SH3PXD2A: variants seen among roughly 807,000 people sequenced by gnomAD.
The protein encoded by SH3PXD2A is SH3 and PX domains 2A.
Under a neutral mutation model 115.2 loss-of-function variants are expected in SH3PXD2A, and 32 were observed. That is an observed-to-expected ratio of 0.28 (90% CI 0.21 to 0.37). The LOEUF is 0.37. Among genes scored for constraint, SH3PXD2A ranks in the 10% least tolerant of loss-of-function variants. The pLI is 1.00. For synonymous variants in SH3PXD2A, 610 were observed against 629.1 expected (o/e 0.97, Z 0.45); for missense variants, 1,328 against 1,498.7 (o/e 0.89, Z 1.88).
chr10:103,682,938 G>C (rs185712646), intron 6 of SH3PXD2A, among the ~76,000 whole-genome samples: 1 of 152,052 alleles, frequency 6.6e-6, no homozygotes, highest in African/African-American at 2.4e-5. Context: ...GGACAAGAAC[G>C]CCTCGGAAAT....
chr10:103,783,591 C>T (rs1208010690), intron 2 of SH3PXD2A, among the ~76,000 whole-genome samples: 1 of 152,218 alleles, frequency 6.6e-6, no homozygotes, highest in African/African-American at 2.4e-5. Flanking sequence ...AGCAGCTGAC[C>T]CAGGCACAGG....
intron 2 of SH3PXD2A, among the ~76,000 whole-genome samples, chr10:103,793,353 C>A (rs2039053761): frequency 6.6e-6 from 1 of 151,996 alleles, no homozygotes; most frequent in South Asian, 2.1e-4. Flanking sequence ...TAATTATTAT[C>A]ATACTATAAG....
At chr10:103,698,156 A>G (rs1013657849) in intron 5 of SH3PXD2A, among the ~76,000 whole-genome samples, 1 of 152,224 alleles carries the variant, frequency 6.6e-6, no homozygotes, top group Non-Finnish European at 1.5e-5. Flanking sequence ...CCTGCCGTTC[A>G]GAGTTCCCAG....
chr10:103,694,146 G>A (rs1347269166), intron 5 of SH3PXD2A, among the ~76,000 whole-genome samples: 1 of 152,222 alleles, frequency 6.6e-6, no homozygotes, highest in Non-Finnish European at 1.5e-5. Flanking sequence ...CAGTGGAGGG[G>A]CTGGCTGGGG....
At chr10:103,669,621 C>T (rs1015483810) in intron 6 of SH3PXD2A, among the ~76,000 whole-genome samples, 2 of 152,196 alleles carry the variant, frequency 1.3e-5, no homozygotes, top group Non-Finnish European at 2.9e-5. Context: ...CCCATTTTAC[C>T]GGGGAGGACT....
chr10:103,778,334 G>GA (rs1430478383), intron 2 of SH3PXD2A, among the ~76,000 whole-genome samples: 3 of 151,864 alleles, frequency 2.0e-5, no homozygotes, highest in Non-Finnish European at 4.4e-5. Context: ...TCCGTCTCCA[G>GA]AAAAAAAAGG....
intron 7 of SH3PXD2A, among the ~76,000 whole-genome samples, chr10:103,662,439 C>T (rs1287578749): frequency 8.1e-6 from 1 of 123,052 alleles, no homozygotes; most frequent in African/African-American, 3.5e-5. Context: ...GTCGCCCAGG[C>T]CGGACTGCGG....
intron 5 of SH3PXD2A, among the ~76,000 whole-genome samples, chr10:103,721,145 C>T (rs905148121): frequency 2.0e-5 from 3 of 152,220 alleles, no homozygotes; most frequent in Admixed American, 2.0e-4. Flanking sequence ...ACGGAACGTG[C>T]ACACATTCCA....
At chr10:103,694,957 C>A (rs759895811) in intron 5 of SH3PXD2A, among the ~76,000 whole-genome samples, 2 of 152,190 alleles carry the variant, frequency 1.3e-5, no homozygotes, top group Admixed American at 6.5e-5. Context: ...GCTGTGCCCC[C>A]CAAAAGCTCA....
chr10:103,850,259 A>G (rs1285201451), intron 1 of SH3PXD2A, among the ~76,000 whole-genome samples: 3 of 151,994 alleles, frequency 2.0e-5, no homozygotes, highest in South Asian at 2.1e-4. Flanking sequence ...GCCACCACAC[A>G]TGGTAATTTC....
In SH3PXD2A at chr10:103,620,112, A is replaced by G. The variant is rs2036581489; in HGVS notation, c.802+2358T>C. On this transcript the variant is annotated intron_variant, in intron 10 of 14. Transcript: ENST00000369774. The surrounding 1 kb of genome is among the most constrained non-coding windows in gnomAD (Gnocchi z 5.3). ...CAAGAGGAGGCCCAGACAGACGGAC[A>G]TGGCCTCAGCGGGCAGCTGCATGAT... Among the ~76,000 whole-genome samples the G allele has an allele frequency of 6.6e-6, 1 of 152,204 alleles. No homozygotes were observed. The highest frequency in any genetic ancestry group is 1.5e-5 in the Non-Finnish European group (1 of 68,020).
intron 7 of SH3PXD2A, 40 bp from the exon 8 acceptor site, chr10:103,661,154 C>G (rs1287166025): frequency 7.5e-6 from 12 of 1,600,656 alleles, no homozygotes; most frequent in African/African-American, 2.7e-5. Flanking sequence ...CAGCGGCCAG[C>G]CATGGCCCCG....
intron 1 of SH3PXD2A, among the ~76,000 whole-genome samples, chr10:103,808,618 A>G (rs1589463840): frequency 6.6e-6 from 1 of 151,926 alleles, no homozygotes. Flanking sequence ...TCTGATCTGG[A>G]CCCCCACTAG....
chr10:103,625,874 AG>A (rs2036684194), intron 9 of SH3PXD2A, among the ~76,000 whole-genome samples: 1 of 152,248 alleles, frequency 6.6e-6, no homozygotes, highest in African/African-American at 2.4e-5. Context: ...TAGGAGACAG[AG>A]CAAGACTCTG....
chr10:103,849,043 T>G (rs915743609), intron 1 of SH3PXD2A, among the ~76,000 whole-genome samples: 7 of 132,420 alleles, frequency 5.3e-5, no homozygotes, highest in Admixed American at 4.4e-4. Context: ...CAGCGAGTGG[T>G]GGGGCCAGGA....
At chr10:103,809,410 G>A (rs1376941684) in intron 1 of SH3PXD2A, among the ~76,000 whole-genome samples, 1 of 152,178 alleles carries the variant, frequency 6.6e-6, no homozygotes, top group Non-Finnish European at 1.5e-5. Context: ...GGTATAATGT[G>A]CTAGGAGAAG....
chr10:103,809,404 T>C (rs1038205256), intron 1 of SH3PXD2A, among the ~76,000 whole-genome samples: 5 of 152,162 alleles, frequency 3.3e-5, no homozygotes, highest in Non-Finnish European at 7.4e-5. Context: ...GGAGGGGGTA[T>C]AATGTGCTAG....
At chr10:103,785,708 G>T (rs1016719825) in intron 2 of SH3PXD2A, among the ~76,000 whole-genome samples, 3 of 152,082 alleles carry the variant, frequency 2.0e-5, no homozygotes, top group Non-Finnish European at 4.4e-5. Flanking sequence ...AGTCTCCTGA[G>T]GAGGGGAAGC....
At chr10:103,704,092 T>G (rs913429246) in intron 5 of SH3PXD2A, among the ~76,000 whole-genome samples, 1 of 152,256 alleles carries the variant, frequency 6.6e-6, no homozygotes, top group East Asian at 1.9e-4. Flanking sequence ...CTGCTCCAGC[T>G]CCACCTGCCA....
Sources: allele counts gnomAD v4.1 joint callset (sites outside exome capture counted in the v4.1 genomes callset), GRCh38; gene constraint gnomAD v4.1.1; non-coding constraint Gnocchi (gnomAD v3.1); transcripts MANE v1.5; gene names NCBI Gene and HGNC (gene_info 2026-07-23, HGNC 2026-07-21).